HECW1: variants seen among roughly 807,000 people sequenced by gnomAD.
HECW1 encodes E3 ubiquitin-protein ligase HECW1.
Under a neutral mutation model 182.3 loss-of-function variants are expected in HECW1, and 61 were observed. That is an observed-to-expected ratio of 0.33 (90% CI 0.27 to 0.41). The LOEUF (loss-of-function observed/expected upper bound fraction) is 0.41. Among genes scored for constraint, HECW1 ranks in the 10% least tolerant of loss-of-function variants. The pLI is 1.00. For synonymous variants in HECW1, 859 were observed against 832.6 expected (o/e 1.03, Z -0.55); for missense variants, 1,739 against 2,108.9 (o/e 0.82, Z 3.44).
intron 2 of HECW1, among the ~76,000 whole-genome samples, chr7:43,192,149 G>A (rs976322930): frequency 2.6e-5 from 4 of 152,002 alleles, no homozygotes; most frequent in Non-Finnish European, 5.9e-5. Context: ...TGTAGAGATG[G>A]GGTTTCACCA....
intron 6 of HECW1, among the ~76,000 whole-genome samples, chr7:43,393,411 G>A (rs1053020197): frequency 3.9e-5 from 6 of 152,168 alleles, no homozygotes; most frequent in Non-Finnish European, 2.9e-5. Flanking sequence ...ATTTCTCAAC[G>A]TCAAACATGC....
chr7:43,339,877 T>C (rs964941912), intron 5 of HECW1, among the ~76,000 whole-genome samples: 5 of 152,168 alleles, frequency 3.3e-5, no homozygotes, highest in East Asian at 1.9e-4. Context: ...TACCAAGAGA[T>C]GGAAAATTTT....
chr7:43,531,951 C>T (rs2081008873), intron 24 of HECW1, among the ~76,000 whole-genome samples: 2 of 152,222 alleles, frequency 1.3e-5, no homozygotes, highest in African/African-American at 4.8e-5. Flanking sequence ...CCATCTGCAT[C>T]CTGACGGCCC....
intron 24 of HECW1, among the ~76,000 whole-genome samples, chr7:43,524,157 T>C (rs1215439031): frequency 2.0e-5 from 3 of 152,128 alleles, no homozygotes; most frequent in Non-Finnish European, 4.4e-5. Flanking sequence ...GGGATTCAGA[T>C]ACCAATGGAA....
At chr7:43,309,101 A>C (rs1808163984) in intron 3 of HECW1, among the ~76,000 whole-genome samples, 1 of 152,232 alleles carries the variant, frequency 6.6e-6, no homozygotes, top group Non-Finnish European at 1.5e-5. Flanking sequence ...GGACAGATCA[A>C]CTAGCAACAG....
intron 2 of HECW1, among the ~76,000 whole-genome samples, chr7:43,161,214 T>G (rs1311762677): frequency 6.6e-6 from 1 of 152,224 alleles, no homozygotes; most frequent in Admixed American, 6.5e-5. Context: ...AGTTGCCCAT[T>G]GGTTTCTATG....
intron 15 of HECW1, 139 bp downstream of exon 15, chr7:43,466,707 C>A: frequency 1.0e-6 from 1 of 980,634 alleles, no homozygotes; most frequent in Non-Finnish European, 1.5e-6. Flanking sequence ...TCAGTCCACT[C>A]TTTTGACTAT....
chr7:43,311,880 C>T lies in HECW1; in HGVS notation c.145C>T (p.His49Tyr), dbSNP rs1808566864. The change falls in exon 4 of 30, where the codon CAC (histidine) becomes TAC (tyrosine). Residue 49 changes from histidine to tyrosine, a missense_variant. Transcript: ENST00000395891. ...LRYSYNPDQFHNMDLRGGPHD... is the reference protein window; with the variant it reads ...LRYSYNPDQFYNMDLRGGPHD... ...ATACAGCTACAACCCCGACCAGTTC[C>T]ACAACATGGACCTCAGGGGCGGCCC... 1 of 1,614,258 alleles carries T rather than the reference C, an allele frequency of 6.2e-7. No homozygotes were observed. Among genetic ancestry groups the T allele is most frequent in the South Asian group, 1.1e-5 (1 of 91,084 alleles).
chr7:43,502,756 G>A (rs1266864763), intron 21 of HECW1, among the ~76,000 whole-genome samples: 1 of 152,204 alleles, frequency 6.6e-6, no homozygotes, highest in African/African-American at 2.4e-5. Flanking sequence ...CCAGATATTG[G>A]AGAATTTTTC....
intron 19 of HECW1, among the ~76,000 whole-genome samples, chr7:43,493,431 G>A (rs930808138): frequency 1.3e-5 from 2 of 152,092 alleles, no homozygotes; most frequent in Non-Finnish European, 2.9e-5. Flanking sequence ...TGATGTAGGG[G>A]GGGGAAGGAC....
rs1563045370 is a variant in HECW1, at chr7:43,488,401, A to G, written c.3235-3674A>G. On this transcript the variant is annotated intron_variant, in intron 17 of 29. Transcript: ENST00000395891. ...AAGGAAGGAAGGAAGGAAGGAAGGA[A>G]ATGAAAGAAAGAGAGAGAGAGAAAG... 7.3e-4 allele frequency among the ~76,000 whole-genome samples: 89 copies of G among 121,412 alleles called. 1 individual carries two copies. Among genetic ancestry groups the G allele is most frequent in the Non-Finnish European group, 8.9e-4 (51 of 57,444 alleles). The allele number at this position is 121,412 out of a possible 152,430, so 79.7% of individuals were successfully genotyped here.
intron 16 of HECW1, among the ~76,000 whole-genome samples, chr7:43,474,134 T>C (rs2078127282): frequency 6.6e-6 from 1 of 152,160 alleles, no homozygotes; most frequent in Admixed American, 6.6e-5. Context: ...ATTAATATAA[T>C]ACAAAGGGGA....
intron 3 of HECW1, among the ~76,000 whole-genome samples, chr7:43,294,859 G>A (rs986059902): frequency 2.0e-5 from 3 of 152,184 alleles, no homozygotes; most frequent in African/African-American, 7.2e-5. Flanking sequence ...CTCACAACAT[G>A]AGCCAAGGTG....
chr7:43,147,087 A>G (rs1339214787), intron 2 of HECW1, among the ~76,000 whole-genome samples: 1 of 152,204 alleles, frequency 6.6e-6, no homozygotes, highest in Non-Finnish European at 1.5e-5. Context: ...TTTTGTTGTG[A>G]AAGACTATTA....
At chr7:43,325,851 C>T (rs75704653) in intron 5 of HECW1, among the ~76,000 whole-genome samples, 1,933 of 152,296 alleles carry the variant, frequency 0.013, 50 homozygotes, top group African/African-American at 0.043. Flanking sequence ...GATTGCTGCA[C>T]GCTGTGGTCT....
intron 3 of HECW1, among the ~76,000 whole-genome samples, chr7:43,252,789 A>G (rs532535802): frequency 1.1e-4 from 17 of 152,332 alleles, no homozygotes; most frequent in African/African-American, 4.1e-4. Context: ...AAACACCTAA[A>G]TGGTTACTGG....
chr7:43,351,266 G>A (rs1025333270), intron 5 of HECW1, among the ~76,000 whole-genome samples: 1 of 152,162 alleles, frequency 6.6e-6, no homozygotes, highest in Non-Finnish European at 1.5e-5. Context: ...TCTGGTGGAG[G>A]TGGCAGAGGG....
chr7:43,515,320 A>C (rs2080091680), intron 24 of HECW1, among the ~76,000 whole-genome samples: 1 of 152,222 alleles, frequency 6.6e-6, no homozygotes, highest in African/African-American at 2.4e-5. Flanking sequence ...TAGTAAAGGA[A>C]GAGCCTGATC....
At chr7:43,495,499 C>T (rs2079085653) in intron 19 of HECW1, among the ~76,000 whole-genome samples, 1 of 152,176 alleles carries the variant, frequency 6.6e-6, no homozygotes, top group Admixed American at 6.5e-5. Context: ...ACTTGTGTCT[C>T]CCTACAGCAC....
Sources: allele counts gnomAD v4.1 joint callset (sites outside exome capture counted in the v4.1 genomes callset), GRCh38; gene constraint gnomAD v4.1.1; transcripts MANE v1.5; gene names NCBI Gene and HGNC (gene_info 2026-07-23, HGNC 2026-07-21).